The following ANO5 variants were observed in gnomAD, a reference collection of about 807,000 sequenced individuals.
ANO5 encodes the protein anoctamin-5.
A neutral mutation model predicts 121.0 loss-of-function variants in ANO5; 109 were observed. That is an observed-to-expected ratio of 0.90 (90% CI 0.77 to 1.06). ANO5 has a LOEUF of 1.06. Ranked by LOEUF, ANO5 falls within the 50% of genes least tolerant of loss-of-function variation. The probability of loss-of-function intolerance (pLI) is 0.00; values close to 1 mark genes in which losing one functional copy is unlikely to be tolerated. For missense variants in ANO5, 1,064 were observed against 1,078.5 expected (o/e 0.99, Z 0.19); for synonymous variants, 406 against 359.9 (o/e 1.13, Z -1.45).
intron 17 of ANO5, among the ~76,000 whole-genome samples, chr11:22,263,474 G>A (rs1046964492): frequency 3.3e-5 from 5 of 152,094 alleles, no homozygotes; most frequent in African/African-American, 9.6e-5. Flanking sequence ...TAAAAATATC[G>A]ATGTGTCATG....
At chr11:22,226,134 C>T in intron 6 of ANO5, 82 bp downstream of exon 6, 1 of 1,172,582 alleles carries the variant, frequency 8.5e-7, no homozygotes, top group Non-Finnish European at 1.3e-6. Context: ...TGGATAGACT[C>T]TGTGTTTGGG....
chr11:22,259,797 A>G, intron 15 of ANO5, 56 bp downstream of exon 15: 2 of 1,514,622 alleles, frequency 1.3e-6, no homozygotes, highest in African/African-American at 1.4e-5. Flanking sequence ...TTGATGCTAT[A>G]TGTCTATTTT....
intron 2 of ANO5, among the ~76,000 whole-genome samples, chr11:22,207,022 T>G (rs1194744902): frequency 2.6e-5 from 4 of 151,820 alleles, no homozygotes. Context: ...TCTACAAAAT[T>G]AAAGACAAAA....
intron 2 of ANO5, among the ~76,000 whole-genome samples, chr11:22,209,594 T>C (rs1390123756): frequency 2.0e-5 from 3 of 151,972 alleles, no homozygotes; most frequent in African/African-American, 4.8e-5. Context: ...ATTCACTGTA[T>C]AATATTTCTT....
chr11:22,274,816 A>C (rs547277246), intron 20 of ANO5, 69 bp downstream of exon 20: 4 of 1,540,720 alleles, frequency 2.6e-6, no homozygotes, highest in African/African-American at 1.4e-5. Context: ...GTTATCTATT[A>C]CCTTTCTGTC....
chr11:22,233,127 A>T (rs903239027), intron 7 of ANO5, among the ~76,000 whole-genome samples: 1 of 151,742 alleles, frequency 6.6e-6, no homozygotes, highest in African/African-American at 2.4e-5. Flanking sequence ...CAAAACTCAT[A>T]TCTCTATGTC....
intron 15 of ANO5, chr11:22,261,731 G>T: frequency 4.6e-6 from 1 of 215,948 alleles, no homozygotes. Context: ...CAGCATGGGG[G>T]AAACCACACC....
At chr11:22,260,846 A>G (rs1854164976) in intron 15 of ANO5, among the ~76,000 whole-genome samples, 1 of 152,192 alleles carries the variant, frequency 6.6e-6, no homozygotes, top group Non-Finnish European at 1.5e-5. Context: ...ATGATCCTCT[A>G]TTGCAGGGTG....
intron 5 of ANO5, 37 bp downstream of exon 5, chr11:22,221,247 G>T (rs1307214509): frequency 6.7e-7 from 1 of 1,492,062 alleles, no homozygotes; most frequent in East Asian, 2.3e-5. Flanking sequence ...ATAATAAAAA[G>T]AAGCACATTT....
At chr11:22,277,733 T>C (rs931589435) in intron 21 of ANO5, 1 of 151,532 alleles carries the variant, frequency 6.6e-6, no homozygotes, top group Non-Finnish European at 1.5e-5. Flanking sequence ...CTTCCGGAAT[T>C]CTTTTGTTTT....
chr11:22,212,992 AC>A (rs1852329681), intron 3 of ANO5, among the ~76,000 whole-genome samples: 1 of 151,340 alleles, frequency 6.6e-6, no homozygotes, highest in Non-Finnish European at 1.5e-5. Context: ...CACTATGTTG[AC>A]ATTGTCTTTG....
Position 22,279,805 on chromosome 11 carries a change from C to T in ANO5, c.*40C>T, listed in dbSNP as rs1855013504. On this transcript the variant is annotated 3_prime_UTR_variant, in exon 22 of 22. Transcript: ENST00000324559. ...AAGCAGCAGGTGATCTGCCTTACTTCACTTTATCCTCTGGTTTTAGGGCCA... is the reference window on the plus strand; with the variant it reads ...AAGCAGCAGGTGATCTGCCTTACTTTACTTTATCCTCTGGTTTTAGGGCCA... 1.3e-6 allele frequency: 2 copies of T among 1,540,182 alleles called. No individual in the cohort carries two copies. Among genetic ancestry groups the T allele is most frequent in the South Asian group, 2.2e-5 (2 of 89,020 alleles).
intron 17 of ANO5, among the ~76,000 whole-genome samples, chr11:22,266,493 T>C (rs1197540267): frequency 6.6e-6 from 1 of 152,188 alleles, no homozygotes; most frequent in Non-Finnish European, 1.5e-5. Flanking sequence ...ATATCTCATT[T>C]TAGTCTAATT....
intron 20 of ANO5, among the ~76,000 whole-genome samples, chr11:22,275,792 G>A (rs1252719112): frequency 5.3e-5 from 8 of 151,870 alleles, no homozygotes; most frequent in African/African-American, 1.9e-4. Flanking sequence ...AAGGAAGTGG[G>A]AAAAGAGGAA....
At chr11:22,264,761 A>G (rs2133756730) in intron 17 of ANO5, among the ~76,000 whole-genome samples, 1 of 152,296 alleles carries the variant, frequency 6.6e-6, no homozygotes, top group South Asian at 2.1e-4. Context: ...AGAATAAGTA[A>G]ATATGAAATG....
At position 22,200,345 on chromosome 11, in the gene ANO5, T is replaced by A. The variant is rs1851928633; in HGVS notation, c.41-3459T>A. Among the ~76,000 whole-genome samples the A allele has an allele frequency of 1.3e-5, 2 of 152,266 alleles. 1 individual carries two copies. The highest frequency in any genetic ancestry group is 4.8e-5 in the African/African-American group (2 of 41,566). ...TATGTTTTCCCATCATACTTTCAAC[T>A]AAAATGGTGTTTTATGAAAAATTTA... On this transcript the variant is annotated intron_variant, in intron 1 of 21. Transcript: ENST00000324559.
chr11:22,246,682 T>A (rs2133691087), intron 9 of ANO5, among the ~76,000 whole-genome samples: 1 of 151,610 alleles, frequency 6.6e-6, no homozygotes, highest in African/African-American at 2.4e-5. Flanking sequence ...ACCTAAAAAA[T>A]AATAATACTA....
chr11:22,238,404 G>A (rs7945591), intron 8 of ANO5, among the ~76,000 whole-genome samples: 22,635 of 150,948 alleles, frequency 0.15, 4,922 homozygotes, highest in African/African-American at 0.48. Flanking sequence ...TTTAAACTAT[G>A]CATGTAGCCT....
At chr11:22,269,488 G>GA (rs141972424) in intron 17 of ANO5, among the ~76,000 whole-genome samples, 6,318 of 12,100 alleles carry the variant, frequency 0.52, 1,301 homozygotes, top group Middle Eastern at 0.78. Flanking sequence ...AGAAAGGAAA[G>GA]AAAAAAGAAA....
Sources: allele counts gnomAD v4.1 joint callset (sites outside exome capture counted in the v4.1 genomes callset), GRCh38; gene constraint gnomAD v4.1.1; transcripts MANE v1.5; gene names NCBI Gene and HGNC (gene_info 2026-07-23, HGNC 2026-07-21).